Variants in WDR20 observed in about 807,000 individuals in gnomAD.
The protein encoded by WDR20 is WD repeat-containing protein 20.
WDR20 carries 3 observed loss-of-function variants against 38.7 expected under a neutral mutation model. That is an observed-to-expected ratio of 0.08 (90% CI 0.04 to 0.20). WDR20 has a LOEUF of 0.20. Ranked by LOEUF, WDR20 falls within the 10% of genes least tolerant of loss-of-function variation. The pLI, the probability that WDR20 is intolerant of heterozygous loss-of-function variation, is 1.00. For synonymous variants in WDR20, 298 were observed against 285.6 expected (o/e 1.04, Z -0.44); for missense variants, 559 against 727.7 (o/e 0.77, Z 2.67).
chr14:102,219,683 G>A (rs1411712835), downstream of WDR20, among the ~76,000 whole-genome samples: 1 of 152,248 alleles, frequency 6.6e-6, no homozygotes, highest in Non-Finnish European at 1.5e-5. Context: ...TGGCCAACGT[G>A]CTTCCTGAGT....
intron 1 of WDR20, among the ~76,000 whole-genome samples, chr14:102,182,795 G>A (rs577114751): frequency 1.3e-5 from 2 of 151,742 alleles, no homozygotes. Flanking sequence ...TTAATATTTT[G>A]GTGAATATCT....
downstream of WDR20, chr14:102,213,506 C>T: frequency 2.0e-6 from 2 of 985,424 alleles, no homozygotes; most frequent in Non-Finnish European, 2.4e-6. Context: ...CAGAAAGGAG[C>T]TATCACAATC....
intron 1 of WDR20, among the ~76,000 whole-genome samples, chr14:102,194,219 G>A (rs1487498072): frequency 1.3e-5 from 2 of 152,182 alleles, no homozygotes; most frequent in African/African-American, 4.8e-5. Flanking sequence ...TAGGATTAAG[G>A]ACAATGCATG....
chr14:102,175,437 G>A (rs1321973410), intron 1 of WDR20, among the ~76,000 whole-genome samples: 1 of 152,138 alleles, frequency 6.6e-6, no homozygotes, highest in African/African-American at 2.4e-5. Flanking sequence ...GTACTATGCT[G>A]TTTTGGTGAC....
chr14:102,192,525 A>G (rs1161703500), intron 1 of WDR20, among the ~76,000 whole-genome samples: 1 of 152,082 alleles, frequency 6.6e-6, no homozygotes, highest in Non-Finnish European at 1.5e-5. Context: ...TTCTCATTTA[A>G]AATGCTTCCA....
chr14:102,211,601 C>G (rs1159182335), downstream of WDR20, among the ~76,000 whole-genome samples: 1 of 152,150 alleles, frequency 6.6e-6, no homozygotes, highest in Non-Finnish European at 1.5e-5. The surrounding 1 kb of genome is among the most constrained non-coding windows in gnomAD (Gnocchi z 4.2). Context: ...TAGGAGTATT[C>G]GTGTCCTCTC....
chr14:102,213,927 T>C (rs944217075), downstream of WDR20: 6 of 985,288 alleles, frequency 6.1e-6, no homozygotes. Context: ...CTAGAAGCAG[T>C]TCACCAGTGG....
chr14:102,158,590 C>G (rs2057970227), intron 1 of WDR20, among the ~76,000 whole-genome samples: 1 of 152,120 alleles, frequency 6.6e-6, no homozygotes, highest in African/African-American at 2.4e-5. Flanking sequence ...GCCACTGTGC[C>G]CAGCCTAGAT....
At chr14:102,198,406 C>CCA in intron 2 of WDR20, 1 of 198,564 alleles carries the variant, frequency 5.0e-6, no homozygotes, top group South Asian at 5.3e-5. Context: ...GCGTGAGCCA[C>CCA]CACGCCTGGC....
In WDR20 at chr14:102,154,815, A is replaced by G. The variant is rs60377855; in HGVS notation, c.249+14643A>G. The stretch of plus-strand genomic sequence containing the variant: ...GAGAATGATAACTTCACAGTCTATA[A>G]AGCATTTACATAGAGCACTTTAGTT... On this transcript the variant is annotated intron_variant, in intron 1 of 2. Coordinates refer to ENST00000342702, the MANE Select transcript of WDR20 (RefSeq NM_144574.4). Among the ~76,000 whole-genome samples the G allele has an allele frequency of 4.3e-3, 654 of 152,348 alleles. 7 individuals carry two copies. Among genetic ancestry groups the G allele is most frequent in the African/African-American group, 0.015 (625 of 41,582 alleles).
chr14:102,217,033 C>T (rs1250132955), downstream of WDR20, among the ~76,000 whole-genome samples: 1 of 152,206 alleles, frequency 6.6e-6, no homozygotes, highest in Non-Finnish European at 1.5e-5. Context: ...TCTAGAGGCT[C>T]TCAGCTCCCT....
intron 2 of WDR20, among the ~76,000 whole-genome samples, chr14:102,201,085 A>G (rs1391179658): frequency 6.6e-6 from 1 of 152,084 alleles, no homozygotes. Flanking sequence ...GTAATGATCT[A>G]CTCCTTAAAG....
chr14:102,160,858 G>A (rs949817268), intron 1 of WDR20, among the ~76,000 whole-genome samples: 1 of 142,504 alleles, frequency 7.0e-6, no homozygotes, highest in African/African-American at 2.6e-5. Flanking sequence ...TGAGGCAGGA[G>A]AATGGCGTGA....
chr14:102,219,220 T>G (rs1237267154), downstream of WDR20, among the ~76,000 whole-genome samples: 1 of 152,232 alleles, frequency 6.6e-6, no homozygotes, highest in Non-Finnish European at 1.5e-5. Context: ...ACAAGGTGAC[T>G]TTTTTCATTT....
intron 2 of WDR20, among the ~76,000 whole-genome samples, chr14:102,199,439 C>T (rs539260326): frequency 5.9e-5 from 9 of 152,030 alleles, no homozygotes; most frequent in Middle Eastern, 3.4e-3. Context: ...AGATACCAAC[C>T]GTTTTGAAAT....
At chr14:102,171,876 GTTTT>G (rs1011215592) in intron 1 of WDR20, among the ~76,000 whole-genome samples, 1 of 144,280 alleles carries the variant, frequency 6.9e-6, no homozygotes, top group Non-Finnish European at 1.5e-5. Context: ...GGATTTTTCT[GTTTT>G]TTATTTTTGT....
At chr14:102,214,085 C>T (rs1031581577), downstream of WDR20, 40 of 985,416 alleles carry the variant, frequency 4.1e-5, no homozygotes, top group African/African-American at 8.7e-5. Context: ...TGCACCATGG[C>T]GGCGGTCGGT....
At chr14:102,153,188 C>T (rs1419464963) in intron 1 of WDR20, among the ~76,000 whole-genome samples, 1 of 152,042 alleles carries the variant, frequency 6.6e-6, no homozygotes, top group African/African-American at 2.4e-5. Context: ...GAAGTGCCTG[C>T]CCCCCCTTCA....
chr14:102,223,900 C>T (rs2064140956), downstream of WDR20, among the ~76,000 whole-genome samples: 1 of 152,204 alleles, frequency 6.6e-6, no homozygotes, highest in East Asian at 1.9e-4. Context: ...CACGTCTGCA[C>T]AGGGCTTCAG....
Sources: allele counts gnomAD v4.1 joint callset (sites outside exome capture counted in the v4.1 genomes callset), GRCh38; gene constraint gnomAD v4.1.1; non-coding constraint Gnocchi (gnomAD v3.1); transcripts MANE v1.5; gene names NCBI Gene and HGNC (gene_info 2026-07-23, HGNC 2026-07-21).